Variants in SHTN1 observed in about 807,000 individuals in gnomAD.
SHTN1 encodes the protein shootin-1.
A neutral mutation model predicts 83.1 loss-of-function variants in SHTN1; 42 were observed. That is an observed-to-expected ratio of 0.51 (90% CI 0.39 to 0.65). The LOEUF (loss-of-function observed/expected upper bound fraction) is 0.65. Among genes scored for constraint, SHTN1 ranks in the 30% least tolerant of loss-of-function variants. The pLI, the probability that SHTN1 is intolerant of heterozygous loss-of-function variation, is 0.00. For synonymous variants in SHTN1, 224 were observed against 247.7 expected (o/e 0.90, Z 0.90); for missense variants, 622 against 737.8 (o/e 0.84, Z 1.82).
chr10:116,901,790 A>C lies in SHTN1; in HGVS notation c.1648T>G (p.Cys550Gly). The change falls in exon 16 of 17, where the codon TGC (cysteine) becomes GGC (glycine). Residue 550 changes from cysteine to glycine, a missense_variant. Cys to Gly is a radical substitution (Grantham distance 159, BLOSUM62 -3). This residue lies in a region of SHTN1 where 231 missense variants were observed against 251.6 expected (regional missense o/e 0.92). Coordinates refer to ENST00000355371, the MANE Select transcript of SHTN1 (RefSeq NM_001127211.3). ...PGEGPRKLEG[C>G]TSSKVTFQPP... is the part of the protein sequence containing the mutation. ...TGAAACGTAACCTTGGAACTTGTGC[A>C]TCCTTCCAATTTACGGGGCCCTTCA... 1.2e-6 allele frequency: 2 copies of C among 1,603,168 alleles called. No homozygotes were observed. Among genetic ancestry groups the C allele is most frequent in the Non-Finnish European group, 8.5e-7 (1 of 1,176,686 alleles).
intron 1 of SHTN1, among the ~76,000 whole-genome samples, chr10:116,991,978 C>A (rs1898345): frequency 6.6e-6 from 1 of 151,894 alleles, no homozygotes; most frequent in African/African-American, 2.4e-5. Context: ...CCTGTCTCTA[C>A]AAAAAATACC....
intron 1 of SHTN1, among the ~76,000 whole-genome samples, chr10:117,110,650 C>T (rs996469789): frequency 6.6e-6 from 1 of 152,030 alleles, no homozygotes; most frequent in African/African-American, 2.4e-5. Context: ...TGTGAGCCAC[C>T]GTACCCAGCT....
chr10:116,927,558 G>C (rs1848786228), intron 11 of SHTN1, among the ~76,000 whole-genome samples: 1 of 152,114 alleles, frequency 6.6e-6, no homozygotes, highest in African/African-American at 2.4e-5. Context: ...GAATAGCATG[G>C]AAAGACCCAC....
chr10:117,072,007 G>A (rs764791132), intron 1 of SHTN1, among the ~76,000 whole-genome samples: 2 of 152,176 alleles, frequency 1.3e-5, no homozygotes, highest in Non-Finnish European at 2.9e-5. Context: ...TAATATCTAA[G>A]ACTTTGTTCC....
At chr10:116,928,642 C>T (rs1848834921) in intron 10 of SHTN1, among the ~76,000 whole-genome samples, 1 of 152,172 alleles carries the variant, frequency 6.6e-6, no homozygotes, top group Non-Finnish European at 1.5e-5. Flanking sequence ...TCTCCCCATC[C>T]ACAGCCATTC....
At chr10:117,074,913 A>T (rs561865521) in intron 1 of SHTN1, among the ~76,000 whole-genome samples, 2 of 152,296 alleles carry the variant, frequency 1.3e-5, no homozygotes, top group African/African-American at 4.8e-5. Flanking sequence ...TACTTGAGGA[A>T]TTAAGAAATG....
intron 1 of SHTN1, among the ~76,000 whole-genome samples, chr10:117,059,086 A>G (rs1564944917): frequency 6.6e-6 from 1 of 152,194 alleles, no homozygotes; most frequent in Non-Finnish European, 1.5e-5. Context: ...ATATGAAGGT[A>G]CTTAATGCCA....
At chr10:117,018,709 T>G (rs1173802208) in intron 2 of SHTN1, among the ~76,000 whole-genome samples, 1 of 151,878 alleles carries the variant, frequency 6.6e-6, no homozygotes, top group African/African-American at 2.4e-5. Context: ...GTAGTTGGGA[T>G]TACAGATGCT....
intron 1 of SHTN1, among the ~76,000 whole-genome samples, chr10:117,084,793 G>A (rs1213712265): frequency 2.0e-5 from 3 of 152,186 alleles, no homozygotes; most frequent in Admixed American, 6.5e-5. Context: ...GGAGTGACCC[G>A]ATTTTCCAGG....
At chr10:116,902,561 T>C (rs1847787566) in intron 15 of SHTN1, among the ~76,000 whole-genome samples, 1 of 152,126 alleles carries the variant, frequency 6.6e-6, no homozygotes, top group Non-Finnish European at 1.5e-5. Context: ...TAGGACAGGA[T>C]TTAAAAACCA....
At chr10:117,087,219 T>C (rs1201473028) in intron 1 of SHTN1, among the ~76,000 whole-genome samples, 1 of 152,262 alleles carries the variant, frequency 6.6e-6, no homozygotes, top group Non-Finnish European at 1.5e-5. Context: ...TACAACATTA[T>C]GAATGTACTT....
chr10:116,914,548 T>C (rs1848314591), intron 13 of SHTN1, among the ~76,000 whole-genome samples: 2 of 149,786 alleles, frequency 1.3e-5, no homozygotes, highest in Non-Finnish European at 2.9e-5. Flanking sequence ...GTTCACACGG[T>C]TGAGGTAGGG....
intron 1 of SHTN1, among the ~76,000 whole-genome samples, chr10:117,124,063 T>A (rs1853970096): frequency 6.6e-6 from 1 of 150,892 alleles, no homozygotes; most frequent in Admixed American, 6.6e-5. Flanking sequence ...AATAAAAAAA[T>A]AGCTGGGCAT....
At chr10:116,924,314 C>A (rs1036759299) in intron 11 of SHTN1, among the ~76,000 whole-genome samples, 1 of 150,732 alleles carries the variant, frequency 6.6e-6, no homozygotes, top group Admixed American at 6.6e-5. Context: ...CTGCACTGAC[C>A]TCGCCTCTCG....
chr10:117,003,057 A>G (rs1303742528), intron 1 of SHTN1, among the ~76,000 whole-genome samples: 1 of 152,142 alleles, frequency 6.6e-6, no homozygotes, highest in Non-Finnish European at 1.5e-5. Flanking sequence ...GATTATCTAC[A>G]TTGTTAATCG....
At chr10:117,038,129 G>A (rs1380687463) in intron 2 of SHTN1, among the ~76,000 whole-genome samples, 4 of 151,750 alleles carry the variant, frequency 2.6e-5, no homozygotes, top group African/African-American at 9.7e-5. Flanking sequence ...GCTTGGGTTT[G>A]GAGATGACTT....
At chr10:117,091,244 T>G (rs768966368) in intron 1 of SHTN1, among the ~76,000 whole-genome samples, 5 of 152,368 alleles carry the variant, frequency 3.3e-5, no homozygotes, top group Non-Finnish European at 7.3e-5. Context: ...TGCCAGGGAC[T>G]GTTCCAAATA....
In SHTN1 at chr10:116,912,663, G is replaced by A. The variant is rs1421398543; in HGVS notation, c.1306-820C>T. Among the ~76,000 whole-genome samples the A allele has an allele frequency of 3.3e-5, 5 of 152,130 alleles. No homozygotes were observed. The South Asian group carries it at 6.2e-4, about 19-fold the overall frequency. On this transcript the variant is annotated intron_variant, in intron 13 of 16. Transcript: ENST00000355371. ...ATTTAATGGAGGGAAAATTTAGCAT[G>A]AGGACCTCATGAAAAGTAAGTTCAG...
At chr10:116,936,119 C>T (rs1259772861) in intron 9 of SHTN1, among the ~76,000 whole-genome samples, 1 of 152,092 alleles carries the variant, frequency 6.6e-6, no homozygotes, top group Non-Finnish European at 1.5e-5. Flanking sequence ...AAAACCAGCT[C>T]CTGGATTTAC....
Sources: gnomAD v4.1 joint callset for allele counts (sites outside exome capture counted in the v4.1 genomes callset) on GRCh38, gnomAD v4.1.1 for gene constraint, gnomAD v4.1.1 regional missense constraint, MANE v1.5 for transcripts, NCBI Gene and HGNC (gene_info 2026-07-23, HGNC 2026-07-21) for gene names.